ZNF385D: variants seen among roughly 807,000 people sequenced by gnomAD.
The protein encoded by ZNF385D is zinc finger protein 659.
Under a neutral mutation model 35.8 loss-of-function variants are expected in ZNF385D, and 15 were observed. The ratio of observed to expected loss-of-function variants is 0.42; its 90% confidence interval spans 0.28 to 0.64. The LOEUF is 0.64. Ranked by LOEUF, ZNF385D falls within the 30% of genes least tolerant of loss-of-function variation. The probability of loss-of-function intolerance (pLI) is 0.23; values close to 1 mark genes in which losing one functional copy is unlikely to be tolerated. For synonymous variants in ZNF385D, 212 were observed against 186.8 expected, an observed-to-expected ratio of 1.13 and a Z score of -1.10; for missense variants, 474 against 494.6, an observed-to-expected ratio of 0.96 and a Z score of 0.39.
chr3:22,369,583 C>A (rs1437559378), intron 2 of ZNF385D, among the ~76,000 whole-genome samples: 1 of 152,092 alleles, frequency 6.6e-6, no homozygotes, highest in Admixed American at 6.5e-5. Context: ...TCGTTAATTT[C>A]CCCAAGATTT....
At chr3:22,346,110 T>A (rs1425194401) in intron 2 of ZNF385D, among the ~76,000 whole-genome samples, 1 of 152,204 alleles carries the variant, frequency 6.6e-6, no homozygotes, top group Non-Finnish European at 1.5e-5. Context: ...TCTGCTTTAC[T>A]CCCTTGGCAC....
chr3:22,247,186 T>C (rs1699830079), intron 2 of ZNF385D, among the ~76,000 whole-genome samples: 1 of 152,096 alleles, frequency 6.6e-6, no homozygotes, highest in Non-Finnish European at 1.5e-5. Context: ...TTTCCTATTG[T>C]TTTTGATAAT....
At chr3:22,150,354 T>C (rs900855007) in intron 3 of ZNF385D, among the ~76,000 whole-genome samples, 3 of 152,126 alleles carry the variant, frequency 2.0e-5, no homozygotes, top group Admixed American at 6.6e-5. Flanking sequence ...GCTTTATTTA[T>C]ATAAACATTC....
intron 2 of ZNF385D, among the ~76,000 whole-genome samples, chr3:22,245,662 C>G (rs974993326): frequency 6.7e-6 from 1 of 148,732 alleles, no homozygotes; most frequent in Non-Finnish European, 1.5e-5. Context: ...GTGTGTGCTG[C>G]TGCACAACTA....
chr3:21,772,226 C>T (rs9843066), intron 3 of ZNF385D, among the ~76,000 whole-genome samples: 34,978 of 151,730 alleles, frequency 0.23, 4,178 homozygotes, highest in East Asian at 0.41. Context: ...ACTAGCCAAA[C>T]ACAACTTTAT....
At chr3:21,595,851 T>C (rs914860178) in intron 2 of ZNF385D, among the ~76,000 whole-genome samples, 9 of 152,212 alleles carry the variant, frequency 5.9e-5, no homozygotes, top group African/African-American at 2.2e-4. Flanking sequence ...GTAAAGAAGA[T>C]AGTCACGAAG....
At chr3:21,793,585 A>G (rs1456254783) in intron 3 of ZNF385D, among the ~76,000 whole-genome samples, 1 of 152,214 alleles carries the variant, frequency 6.6e-6, no homozygotes, top group East Asian at 1.9e-4. Flanking sequence ...ACCACTTCCT[A>G]AGGCTGATCT....
At chr3:22,363,062 ACTT>A (rs1488521598) in intron 2 of ZNF385D, among the ~76,000 whole-genome samples, 30 of 152,056 alleles carry the variant, frequency 2.0e-4, no homozygotes, top group Non-Finnish European at 4.4e-5. Context: ...CCTACTTATT[ACTT>A]CTTAATAAGT....
chr3:21,570,840 G>A (rs2063314086), intron 2 of ZNF385D, among the ~76,000 whole-genome samples: 1 of 152,132 alleles, frequency 6.6e-6, no homozygotes, highest in African/African-American at 2.4e-5. Context: ...TGACTCTCCA[G>A]TATGAAGTGA....
intron 3 of ZNF385D, among the ~76,000 whole-genome samples, chr3:21,951,494 A>G (rs1044100341): frequency 5.3e-5 from 8 of 151,744 alleles, no homozygotes; most frequent in African/African-American, 1.9e-4. Context: ...TGTCATCTGC[A>G]AACACAGACA....
At chr3:22,220,699 A>C (rs1698200195) in intron 2 of ZNF385D, among the ~76,000 whole-genome samples, 1 of 152,210 alleles carries the variant, frequency 6.6e-6, no homozygotes, top group Non-Finnish European at 1.5e-5. Context: ...CTGTGATTAC[A>C]TAGACTCTTA....
chr3:22,276,972 A>G (rs1201022967), intron 2 of ZNF385D, among the ~76,000 whole-genome samples: 1 of 152,116 alleles, frequency 6.6e-6, no homozygotes, highest in African/African-American at 2.4e-5. Flanking sequence ...TTTATTTTAC[A>G]TGGTTGGTAA....
intron 3 of ZNF385D, among the ~76,000 whole-genome samples, chr3:21,868,366 G>A (rs2098364233): frequency 6.6e-6 from 1 of 152,100 alleles, no homozygotes; most frequent in Non-Finnish European, 1.5e-5. Context: ...ATGATTTTAT[G>A]AATGAGAAAA....
In ZNF385D at chr3:21,768,521, AT is replaced by A. The variant is rs1427117223; in HGVS notation, c.326-103494del. Among the ~76,000 whole-genome samples, 3 of 151,898 alleles carry A rather than the reference AT, an allele frequency of 2.0e-5. No homozygotes were observed. In the South Asian group the frequency reaches 6.2e-4, roughly 31 times the overall value. Reference sequence around the variant, plus strand: ...ATGCTTGGACAGTAAAGTGGAGGGAATTTTTATCAATTTTAGCTCTTAGAGT... The same window carrying A: ...ATGCTTGGACAGTAAAGTGGAGGGAATTTTATCAATTTTAGCTCTTAGAGT... On this transcript the variant is annotated intron_variant, in intron 3 of 5. Transcript: ENST00000494108.
intron 1 of ZNF385D, among the ~76,000 whole-genome samples, chr3:21,727,027 A>C (rs1192561759): frequency 6.6e-6 from 1 of 152,198 alleles, no homozygotes; most frequent in Non-Finnish European, 1.5e-5. Context: ...ACACATCTAC[A>C]GCCATCTGAT....
At chr3:22,271,478 A>T (rs1701173884) in intron 2 of ZNF385D, among the ~76,000 whole-genome samples, 1 of 151,862 alleles carries the variant, frequency 6.6e-6, no homozygotes, top group South Asian at 2.1e-4. Flanking sequence ...AAAAAAATAG[A>T]TTTCCCTTGG....
intron 3 of ZNF385D, chr3:21,511,783 G>C (rs1264786094): frequency 4.4e-6 from 2 of 456,022 alleles, no homozygotes; most frequent in African/African-American, 4.0e-5. Flanking sequence ...AGAGAGTTTA[G>C]AGTGATATGC....
intron 3 of ZNF385D, among the ~76,000 whole-genome samples, chr3:21,525,201 TA>T (rs758821427): frequency 1.8e-4 from 27 of 152,334 alleles, no homozygotes; most frequent in Non-Finnish European, 2.6e-4. Context: ...GTGAGATTTC[TA>T]AAATTCTACT....
intron 3 of ZNF385D, among the ~76,000 whole-genome samples, chr3:22,007,917 T>C (rs1696319189): frequency 6.6e-6 from 1 of 151,872 alleles, no homozygotes; most frequent in South Asian, 2.1e-4. Context: ...ATCTTTTCTT[T>C]ATCACCTCTG....
Sources: allele counts gnomAD v4.1 joint callset (sites outside exome capture counted in the v4.1 genomes callset), GRCh38; gene constraint gnomAD v4.1.1; transcripts MANE v1.5; gene names NCBI Gene and HGNC (gene_info 2026-07-23, HGNC 2026-07-21).